Variants in CSPP1 observed in about 807,000 individuals in gnomAD.
CSPP1 encodes centrosome and spindle pole associated protein 1, also known as centrosome and spindle pole-associated protein 1.
CSPP1 carries 126 observed loss-of-function variants against 164.4 expected under a neutral mutation model. The ratio of observed to expected loss-of-function variants is 0.77; its 90% CI spans 0.66 to 0.89. CSPP1 has a LOEUF of 0.89. Ranked by LOEUF, CSPP1 falls within the 40% of genes least tolerant of loss-of-function variation. CSPP1 has a pLI of 0.00. For missense variants in CSPP1, 1,395 were observed against 1,449.8 expected (o/e 0.96, Z 0.61); for synonymous variants, 472 against 476.7 (o/e 0.99, Z 0.13).
At chr8:67,158,279 A>G (rs1827050050) in intron 19 of CSPP1, among the ~76,000 whole-genome samples, 168 bp from the exon 20 acceptor site, 1 of 152,238 alleles carries the variant, frequency 6.6e-6, no homozygotes, top group Admixed American at 6.5e-5. Flanking sequence ...AGCTTTTAAC[A>G]GTACAGTAAA....
At chr8:67,124,718 G>A (rs1040880216) in intron 15 of CSPP1, among the ~76,000 whole-genome samples, 2 of 152,084 alleles carry the variant, frequency 1.3e-5, no homozygotes, top group Non-Finnish European at 2.9e-5. Context: ...ATCTCACTCT[G>A]TCACCCAGGC....
chr8:67,177,738 GT>G lies in CSPP1; in HGVS notation c.3156+14del. On this transcript the variant is annotated intron_variant, in intron 27 of 30. Coordinates refer to ENST00000678616, the MANE Select transcript of CSPP1 (RefSeq NM_001382391.1). ...GAGAGCAAAGAATGGTAAGCAACCA[GT>G]TACAATTTTTCAAGTTAGTTTTTGG... 1 of 1,602,968 alleles carries G rather than the reference GT, an allele frequency of 6.2e-7. No homozygotes were observed. The highest frequency in any genetic ancestry group is 8.5e-7 in the Non-Finnish European group (1 of 1,170,352).
At chr8:67,085,220 A>T (rs1379765365) in intron 3 of CSPP1, among the ~76,000 whole-genome samples, 1 of 152,148 alleles carries the variant, frequency 6.6e-6, no homozygotes, top group Non-Finnish European at 1.5e-5. Flanking sequence ...ACTGAATTGA[A>T]TGCTTAAAAT....
At position 67,130,704 on chromosome 8, in the gene CSPP1, C is replaced by T. The variant is rs547087843; in HGVS notation, c.1698-1247C>T. Among the ~76,000 whole-genome samples, 284 of 152,204 alleles carry T rather than the reference C, an allele frequency of 1.9e-3. 4 individuals carry two copies. Among genetic ancestry groups the T allele is most frequent in the African/African-American group, 6.6e-3 (273 of 41,540 alleles). On this transcript the variant is annotated intron_variant, in intron 15 of 30. Coordinates refer to ENST00000678616, the MANE Select transcript of CSPP1 (RefSeq NM_001382391.1). ...GAAAGCTTTTTTAAAATTATAAAAT[C>T]AGGCTGGGCGCAGTGGCTCATGCTT...
At chr8:67,125,016 C>T (rs964821843) in intron 15 of CSPP1, among the ~76,000 whole-genome samples, 10 of 152,006 alleles carry the variant, frequency 6.6e-5, no homozygotes, top group African/African-American at 2.4e-4. Context: ...AAGTTACAAA[C>T]GTCTTTACAT....
At chr8:67,172,322 G>A in intron 24 of CSPP1, 94 bp from the exon 25 acceptor site, 1 of 960,128 alleles carries the variant, frequency 1.0e-6, no homozygotes, top group Non-Finnish European at 1.6e-6. Context: ...ATATGATGTG[G>A]TGAAAAAGAC....
intron 15 of CSPP1, among the ~76,000 whole-genome samples, chr8:67,130,856 CG>C (rs1821087662): frequency 6.6e-6 from 1 of 151,758 alleles, no homozygotes; most frequent in African/African-American, 2.4e-5. Context: ...GGCGTGGTGG[CG>C]GGTGCTTGTA....
intron 28 of CSPP1, among the ~76,000 whole-genome samples, chr8:67,184,738 A>AT (rs1563780268): frequency 8.5e-5 from 12 of 140,996 alleles, no homozygotes. Flanking sequence ...AATAATAATA[A>AT]AAAAATATAA....
intron 9 of CSPP1, among the ~76,000 whole-genome samples, chr8:67,109,484 CA>C (rs796231679): frequency 2.6e-5 from 4 of 152,246 alleles, no homozygotes; most frequent in African/African-American, 9.6e-5. Flanking sequence ...GTTACATCTG[CA>C]AATATTTTTC....
Position 67,159,848 on chromosome 8 carries a change from TTCTTTTTCTTTCTTTCTTTC to T in CSPP1, c.2538+713_2538+732del, listed in dbSNP as rs1416628208. ...TCTCTCTCTTTCTTTCTTTCTTTCT[TTCTTTTTCTTTCTTTCTTTC>T]TTTCTTTCTTTCTTTCTTTCTTTCT... On this transcript the variant is annotated intron_variant, in intron 21 of 30. Transcript: ENST00000678616. 9.0e-4 allele frequency among the ~76,000 whole-genome samples: 105 copies of T among 117,254 alleles called. 1 individual carries two copies. The highest frequency in any genetic ancestry group is 3.8e-3 in the Middle Eastern group (1 of 262). 76.9% of individuals were successfully genotyped at this position (117,254 alleles called of 152,430 possible). A position where few individuals can be genotyped will look rare whatever the true frequency, so the allele number is the denominator to read the frequency against.
chr8:67,137,425 G>T (rs776636407), intron 16 of CSPP1, 31 bp from the exon 17 acceptor site: 2 of 1,358,400 alleles, frequency 1.5e-6, no homozygotes, highest in South Asian at 1.7e-5. Context: ...ACTTGTCAGC[G>T]TTTATTTTAA....
chr8:67,195,714 A>G lies in CSPP1; in HGVS notation c.*121A>G. 1 of 706,114 alleles carries G rather than the reference A, an allele frequency of 1.4e-6. No individual in the cohort carries two copies. Among genetic ancestry groups the G allele is most frequent in the South Asian group, 1.9e-5 (1 of 52,320 alleles). The allele number at this position is 706,114 out of a possible 1,614,324, so 43.7% of individuals were successfully genotyped here. Reference sequence around the variant, plus strand: ...GTTACTTTTTTTCCATCATCTGTATATAAAATTATTTTTATCATGATGTAT... The same window carrying G: ...GTTACTTTTTTTCCATCATCTGTATGTAAAATTATTTTTATCATGATGTAT... On this transcript the variant is annotated 3_prime_UTR_variant, in exon 31 of 31. Coordinates refer to ENST00000678616, the MANE Select transcript of CSPP1 (RefSeq NM_001382391.1).
chr8:67,171,495 CCT>C (rs1397030522), intron 24 of CSPP1, among the ~76,000 whole-genome samples: 1 of 151,934 alleles, frequency 6.6e-6, no homozygotes, highest in African/African-American at 2.4e-5. Context: ...CTCAATCAAT[CCT>C]CTCATCTCAG....
intron 15 of CSPP1, among the ~76,000 whole-genome samples, chr8:67,119,681 G>C (rs1315424990): frequency 6.6e-6 from 1 of 152,058 alleles, no homozygotes; most frequent in African/African-American, 2.4e-5. Context: ...TTGGCCATTT[G>C]TATATCATCT....
intron 17 of CSPP1, among the ~76,000 whole-genome samples, chr8:67,138,577 T>C (rs1822840051): frequency 6.6e-6 from 1 of 152,140 alleles, no homozygotes. Context: ...AGGATGGTCT[T>C]TGTTTAGCGT....
intron 17 of CSPP1, among the ~76,000 whole-genome samples, chr8:67,145,929 C>T (rs1450353282): frequency 6.6e-6 from 1 of 152,036 alleles, no homozygotes; most frequent in Non-Finnish European, 1.5e-5. Flanking sequence ...ACTGTTTTAG[C>T]TGTACATCAC....
chr8:67,111,880 T>C (rs1467988259), intron 9 of CSPP1, 92 bp from the exon 10 acceptor site: 2 of 673,898 alleles, frequency 3.0e-6, no homozygotes, highest in Admixed American at 2.9e-5. Context: ...AATTATATGA[T>C]ACAATTAAGA....
intron 18 of CSPP1, among the ~76,000 whole-genome samples, chr8:67,152,330 T>G (rs1200909678): frequency 6.6e-6 from 1 of 152,162 alleles, no homozygotes; most frequent in Non-Finnish European, 1.5e-5. Flanking sequence ...AGTTTCCTTA[T>G]CCTCTAATAT....
intron 15 of CSPP1, 106 bp downstream of exon 15, chr8:67,118,927 G>C (rs1470353028): frequency 2.8e-6 from 2 of 719,492 alleles, no homozygotes; most frequent in East Asian, 5.4e-5. Flanking sequence ...CTATTTAGTG[G>C]TATTTAATAT....
Sources: allele counts gnomAD v4.1 joint callset (sites outside exome capture counted in the v4.1 genomes callset), GRCh38; gene constraint gnomAD v4.1.1; transcripts MANE v1.5; gene names NCBI Gene and HGNC (gene_info 2026-07-23, HGNC 2026-07-21).